RAF1: variants seen among roughly 807,000 people sequenced by gnomAD.
RAF1 encodes the protein RAF proto-oncogene serine/threonine-protein kinase.
Under a neutral mutation model 81.1 loss-of-function variants are expected in RAF1, and 27 were observed. The ratio of observed to expected loss-of-function variants is 0.33; its 90% CI spans 0.25 to 0.46. The LOEUF is 0.46. Among genes scored for constraint, RAF1 ranks in the 20% least tolerant of loss-of-function variants. The pLI, the probability that RAF1 is intolerant of heterozygous loss-of-function variation, is 1.00. For synonymous variants in RAF1, 298 were observed against 294.0 expected, an observed-to-expected ratio of 1.01 and a Z score of -0.14; for missense variants, 598 against 826.0, an observed-to-expected ratio of 0.72 and a Z score of 3.38.
At chr3:12,594,252 T>G (rs567295881) in intron 11 of RAF1, among the ~76,000 whole-genome samples, 1 of 152,184 alleles carries the variant, frequency 6.6e-6, no homozygotes, top group Non-Finnish European at 1.5e-5. Context: ...GGCAGTCAAC[T>G]GAGTGGAAGT....
chr3:12,654,988 A>C (rs1046079980), intron 1 of RAF1, among the ~76,000 whole-genome samples: 19 of 138,026 alleles, frequency 1.4e-4, no homozygotes, highest in Middle Eastern at 4.0e-3. Context: ...CCAACCTGGT[A>C]AACATAGTGA....
chr3:12,646,215 A>G (rs2060343467), intron 1 of RAF1, among the ~76,000 whole-genome samples: 1 of 152,152 alleles, frequency 6.6e-6, no homozygotes, highest in Non-Finnish European at 1.5e-5. Flanking sequence ...ATCATAGCTC[A>G]CTGTAGCCTC....
intron 4 of RAF1, 96 bp from the exon 5 acceptor site, chr3:12,609,019 G>GA: frequency 7.5e-7 from 1 of 1,338,504 alleles, no homozygotes; most frequent in South Asian, 1.2e-5. Context: ...TTTACAAAAT[G>GA]AATCATACTT....
chr3:12,599,439 AAGG>A (rs1212655873), intron 11 of RAF1, among the ~76,000 whole-genome samples: 1 of 152,220 alleles, frequency 6.6e-6, no homozygotes, highest in East Asian at 1.9e-4. Flanking sequence ...AATCAGTTTA[AAGG>A]AGAAGTACTC....
chr3:12,633,389 G>C (rs987162844), intron 1 of RAF1, among the ~76,000 whole-genome samples: 13 of 151,536 alleles, frequency 8.6e-5, no homozygotes, highest in Admixed American at 5.3e-4. Context: ...GAGGTGGGAG[G>C]ATCACTTGAG....
chr3:12,608,899 CA>C lies in RAF1; in HGVS notation c.447del (p.Ala150ProfsTer63). ...AATTTCTGACAGATGTCACAGAAGG[CA>C]AGCTTCAGGAACGTCTTCCGAGCCT... is the stretch of plus-strand genomic sequence containing the variant. On this transcript the variant is annotated frameshift_variant, in exon 5 of 18. Transcript: ENST00000442415. LOFTEE classifies it high-confidence loss of function. 1 of 1,614,122 alleles carries C rather than the reference CA, an allele frequency of 6.2e-7. No individual in the cohort carries two copies. Among genetic ancestry groups the C allele is most frequent in the Non-Finnish European group, 8.5e-7 (1 of 1,180,030 alleles).
intron 1 of RAF1, among the ~76,000 whole-genome samples, chr3:12,656,910 T>C (rs531547179): frequency 2.2e-4 from 33 of 149,572 alleles, no homozygotes; most frequent in African/African-American, 6.7e-4. Context: ...GACAGGAGAA[T>C]CACTTGAACC....
chr3:12,647,920 T>C (rs2060405600), intron 1 of RAF1, among the ~76,000 whole-genome samples: 1 of 152,194 alleles, frequency 6.6e-6, no homozygotes, highest in African/African-American at 2.4e-5. Flanking sequence ...CAAAACAGAC[T>C]CCTACATTTT....
chr3:12,624,831 A>G (rs968477525), intron 1 of RAF1, among the ~76,000 whole-genome samples: 4 of 147,068 alleles, frequency 2.7e-5, no homozygotes, highest in African/African-American at 1.0e-4. Context: ...GGCTGCAGTG[A>G]GCCGAGATTG....
intron 1 of RAF1, among the ~76,000 whole-genome samples, chr3:12,656,021 T>C (rs1017547882): frequency 6.6e-5 from 10 of 151,038 alleles, no homozygotes; most frequent in Non-Finnish European, 1.3e-4. Context: ...ACATTGTGAA[T>C]GTTGTTAAAT....
intron 2 of RAF1, 60 bp downstream of exon 2, chr3:12,618,455 C>T (rs2059444778): frequency 6.4e-7 from 1 of 1,559,786 alleles, no homozygotes; most frequent in Non-Finnish European, 8.8e-7. Flanking sequence ...TGAACATGAT[C>T]CTTAATGTGC....
intron 1 of RAF1, among the ~76,000 whole-genome samples, chr3:12,624,109 C>G (rs1374187663): frequency 1.3e-5 from 2 of 152,108 alleles, no homozygotes; most frequent in African/African-American, 4.8e-5. Flanking sequence ...CCCGCCTCAG[C>G]CTCCCAAGTG....
chr3:12,590,963 TGCCGTGTTTTGCTGGGGAGGG>T lies in RAF1; in HGVS notation c.1254-10_1264del. The stretch of plus-strand genomic sequence containing the variant: ...CCCCATGAAAAGCAGAATGTTCACA[TGCCGTGTTTTGCTGGGGAGGG>T]GAGGGGAAGAGAGGAGAGGGAGGAG... On this transcript the variant is annotated splice_acceptor_variant and splice_polypyrimidine_tract_variant and coding_sequence_variant and intron_variant, in exon 13 of 18. Transcript: ENST00000442415. LOFTEE classifies it high-confidence loss of function. The T allele has an allele frequency of 6.2e-7, 1 of 1,609,852 alleles. No homozygotes were observed. The highest frequency in any genetic ancestry group is 2.2e-5 in the East Asian group (1 of 44,776).
At chr3:12,587,761 T>G (rs1045361444) in intron 13 of RAF1, 124 bp from the exon 13 acceptor site, 2 of 794,580 alleles carry the variant, frequency 2.5e-6, no homozygotes, top group African/African-American at 3.4e-5. Flanking sequence ...CACACAGGGA[T>G]AGACCCTGTG....
rs374759910 is a variant in RAF1, at chr3:12,591,925, A to G, written c.1169-133T>C. On this transcript the variant is annotated intron_variant, in intron 11 of 17. Transcript: ENST00000442415. ...CCTACACAGATACGGCAAATTTCCAATTTTTTTTTTTTTTTTGAGACAGGG... is the reference window on the plus strand; with the variant it reads ...CCTACACAGATACGGCAAATTTCCAGTTTTTTTTTTTTTTTTGAGACAGGG... The G allele has an allele frequency of 2.5e-4, 162 of 646,094 alleles. No individual in the cohort carries two copies. In the East Asian group the frequency reaches 3.6e-3, roughly 14 times the overall value. 40.0% of individuals were successfully genotyped at this position (646,094 alleles called of 1,614,324 possible). A position where few individuals can be genotyped will look rare whatever the true frequency, so the allele number is the denominator to read the frequency against.
intron 1 of RAF1, among the ~76,000 whole-genome samples, chr3:12,642,031 T>C (rs1250822898): frequency 1.3e-5 from 2 of 151,778 alleles, no homozygotes; most frequent in Admixed American, 1.3e-4. Flanking sequence ...ACCTGTAATT[T>C]CAGCTTCTCG....
In RAF1 at chr3:12,611,935, CTT is replaced by C; in HGVS notation, c.320+13_320+14del. 6.2e-7 allele frequency: 1 copy of C among 1,604,686 alleles called. No homozygotes were observed. Among genetic ancestry groups the C allele is most frequent in the Non-Finnish European group, 8.5e-7 (1 of 1,171,378 alleles). ...TTACTAGTCTGAAGAAGTCAATTGACTTTTGAGCTCTTACCCTTTGTGTTCGT... is the reference window on the plus strand; with the variant it reads ...TTACTAGTCTGAAGAAGTCAATTGACTTGAGCTCTTACCCTTTGTGTTCGT... On this transcript the variant is annotated intron_variant, in intron 3 of 17. Coordinates refer to ENST00000442415, the MANE Select transcript of RAF1 (RefSeq NM_001354689.3).
At chr3:12,649,758 G>C (rs2060463842) in intron 1 of RAF1, among the ~76,000 whole-genome samples, 1 of 152,126 alleles carries the variant, frequency 6.6e-6, no homozygotes, top group Admixed American at 6.6e-5. Flanking sequence ...TCAACACTTT[G>C]GGAGGCCGAG....
chr3:12,645,110 A>AT (rs2060305339), intron 1 of RAF1, among the ~76,000 whole-genome samples: 1 of 151,294 alleles, frequency 6.6e-6, no homozygotes, highest in African/African-American at 2.4e-5. Flanking sequence ...AAAAAAAAAA[A>AT]AAAAAAAAAA....
Sources: gnomAD v4.1 joint callset for allele counts (sites outside exome capture counted in the v4.1 genomes callset) on GRCh38, gnomAD v4.1.1 for gene constraint, MANE v1.5 for transcripts, NCBI Gene and HGNC (gene_info 2026-07-23, HGNC 2026-07-21) for gene names.